Variants in UMAD1 observed in about 807,000 individuals in gnomAD.
The protein encoded by UMAD1 is UBAP1-MVB12-associated (UMA)-domain containing protein 1.
Under a neutral mutation model 6.1 loss-of-function variants are expected in UMAD1, and 8 were observed. The observed-to-expected ratio is 1.30, with a 90% confidence interval of 0.76 to 2.35. UMAD1 has a LOEUF of 2.35. Among genes scored for constraint, UMAD1 ranks in the 30% most tolerant of loss-of-function variants. The probability of loss-of-function intolerance (pLI) is 0.00; values close to 1 mark genes in which losing one functional copy is unlikely to be tolerated. For synonymous variants in UMAD1, 56 were observed against 31.4 expected, an observed-to-expected ratio of 1.78 and a Z score of -2.61; for missense variants, 130 against 78.4, an observed-to-expected ratio of 1.66 and a Z score of -2.49.
intron 2 of UMAD1, among the ~76,000 whole-genome samples, chr7:7,797,608 C>G (rs1344974964): frequency 1.3e-5 from 2 of 152,118 alleles, no homozygotes; most frequent in Non-Finnish European, 2.9e-5. Context: ...CTCAACCATC[C>G]TCACCCAGTA....
intron 2 of UMAD1, among the ~76,000 whole-genome samples, chr7:7,755,150 T>C (rs1312282492): frequency 6.6e-6 from 1 of 152,202 alleles, no homozygotes; most frequent in Non-Finnish European, 1.5e-5. Flanking sequence ...TATTTTAATA[T>C]GGGGATTAGA....
At chr7:7,725,626 T>C (rs1052694027) in intron 2 of UMAD1, among the ~76,000 whole-genome samples, 5 of 152,208 alleles carry the variant, frequency 3.3e-5, no homozygotes, top group African/African-American at 1.2e-4. Flanking sequence ...AACTGGGTGC[T>C]TTCTGACCCA....
At chr7:7,647,118 A>G (rs1273318034) in intron 1 of UMAD1, among the ~76,000 whole-genome samples, 1 of 152,218 alleles carries the variant, frequency 6.6e-6, no homozygotes, top group East Asian at 1.9e-4. Flanking sequence ...GTGTTCACCT[A>G]TAAAACCTTT....
intron 2 of UMAD1, among the ~76,000 whole-genome samples, chr7:7,761,363 T>TAA (rs375910269): frequency 1.7e-5 from 2 of 121,126 alleles, no homozygotes; most frequent in African/African-American, 7.0e-5. Flanking sequence ...GAGACCTAAC[T>TAA]AAAAAAAAAA....
At chr7:7,663,650 A>C (rs1785532284) in intron 1 of UMAD1, among the ~76,000 whole-genome samples, 1 of 152,214 alleles carries the variant, frequency 6.6e-6, no homozygotes, top group Non-Finnish European at 1.5e-5. Flanking sequence ...TTAAGGAGAG[A>C]ACTAGTGAGA....
At chr7:7,829,605 A>T (rs763874566) in intron 3 of UMAD1, among the ~76,000 whole-genome samples, 1 of 152,214 alleles carries the variant, frequency 6.6e-6, no homozygotes, top group South Asian at 2.1e-4. Flanking sequence ...TCTGGCTGAA[A>T]TAGCACTTTA....
chr7:7,740,882 C>T (rs1430385474), intron 2 of UMAD1: 1 of 152,094 alleles, frequency 6.6e-6, no homozygotes, highest in African/African-American at 2.4e-5. Flanking sequence ...TAAAGAATTC[C>T]AGTATTTGGG....
chr7:7,829,854 T>G (rs1783426534), intron 3 of UMAD1, among the ~76,000 whole-genome samples: 1 of 152,184 alleles, frequency 6.6e-6, no homozygotes, highest in Non-Finnish European at 1.5e-5. Context: ...AAGTCATGTG[T>G]GACTGACTCA....
intron 3 of UMAD1, among the ~76,000 whole-genome samples, chr7:7,860,337 G>A (rs1784089906): frequency 6.6e-6 from 1 of 151,974 alleles, no homozygotes; most frequent in African/African-American, 2.4e-5. Flanking sequence ...AGGAACCATG[G>A]TTTGTGTTTC....
intron 3 of UMAD1, among the ~76,000 whole-genome samples, chr7:7,813,187 A>G (rs1403167934): frequency 6.6e-6 from 1 of 151,728 alleles, no homozygotes; most frequent in Non-Finnish European, 1.5e-5. Context: ...AGCCAGCCCC[A>G]TTCCTTACTA....
intron 3 of UMAD1, among the ~76,000 whole-genome samples, chr7:7,843,290 G>A (rs796984129): frequency 1.3e-5 from 2 of 152,190 alleles, no homozygotes; most frequent in South Asian, 4.1e-4. Flanking sequence ...TCACTGCGAA[G>A]TTGAACCTCT....
At chr7:7,646,402 TC>T (rs1785093697) in intron 1 of UMAD1, among the ~76,000 whole-genome samples, 1 of 151,648 alleles carries the variant, frequency 6.6e-6, no homozygotes, top group South Asian at 2.1e-4. Flanking sequence ...GGGGACAGTT[TC>T]CCCCATACTG....
intron 1 of UMAD1, among the ~76,000 whole-genome samples, chr7:7,648,438 C>T (rs781345713): frequency 6.6e-6 from 1 of 152,002 alleles, no homozygotes; most frequent in Admixed American, 6.6e-5. Flanking sequence ...ATATAGCTGG[C>T]GATTCATTTT....
intron 2 of UMAD1, among the ~76,000 whole-genome samples, chr7:7,680,033 C>A (rs1300412017): frequency 6.6e-6 from 1 of 151,912 alleles, no homozygotes; most frequent in Non-Finnish European, 1.5e-5. Flanking sequence ...TGTGCAGAAG[C>A]CTTTTAACTT....
chr7:7,681,136 C>G (rs1004506431), intron 2 of UMAD1, among the ~76,000 whole-genome samples: 5 of 152,112 alleles, frequency 3.3e-5, no homozygotes, highest in Non-Finnish European at 5.9e-5. Context: ...AATATGGACA[C>G]CACAGAATTT....
intron 3 of UMAD1, among the ~76,000 whole-genome samples, chr7:7,817,790 C>T (rs1264396422): frequency 1.3e-5 from 2 of 151,970 alleles, no homozygotes; most frequent in East Asian, 1.9e-4. Context: ...TACTTTTTAC[C>T]TTTTAGATGT....
intron 2 of UMAD1, among the ~76,000 whole-genome samples, chr7:7,743,495 A>T (rs1033430924): frequency 6.6e-6 from 1 of 152,034 alleles, no homozygotes; most frequent in African/African-American, 2.4e-5. Context: ...TATCTTTTAC[A>T]GATTTTTTTA....
At chr7:7,842,256 C>T (rs1052937668) in intron 3 of UMAD1, among the ~76,000 whole-genome samples, 7 of 152,098 alleles carry the variant, frequency 4.6e-5, no homozygotes, top group South Asian at 2.1e-4. Context: ...CTGCCTTCTG[C>T]GCAGGGATGA....
intron 2 of UMAD1, among the ~76,000 whole-genome samples, chr7:7,740,066 C>T (rs572427652): frequency 8.1e-4 from 123 of 152,310 alleles, no homozygotes; most frequent in African/African-American, 2.7e-3. Context: ...GTTAAAAGTT[C>T]TTGAAACCCT....
Sources: gnomAD v4.1 joint callset for allele counts (sites outside exome capture counted in the v4.1 genomes callset) on GRCh38, gnomAD v4.1.1 for gene constraint, MANE v1.5 for transcripts, NCBI Gene and HGNC (gene_info 2026-07-23, HGNC 2026-07-21) for gene names.